Variants in TMEM132D observed in about 807,000 individuals in gnomAD.
The protein encoded by TMEM132D is mature OL transmembrane protein.
In TMEM132D, 21 loss-of-function variants were observed where a neutral mutation model predicts 62.3. That is an observed-to-expected ratio of 0.34 (90% CI 0.24 to 0.49). The LOEUF (loss-of-function observed/expected upper bound fraction) is 0.49. Ranked by LOEUF, TMEM132D falls within the 20% of genes least tolerant of loss-of-function variation. TMEM132D has a pLI of 0.99. For synonymous variants in TMEM132D, 621 were observed against 575.6 expected (o/e 1.08, Z -1.13); for missense variants, 1,346 against 1,402.8 (o/e 0.96, Z 0.65).
intron 2 of TMEM132D, among the ~76,000 whole-genome samples, chr12:129,574,759 A>T (rs1374522311): frequency 6.6e-6 from 1 of 151,780 alleles, no homozygotes; most frequent in Admixed American, 6.6e-5. Context: ...CCCACACATG[A>T]ACAACTGGGA....
At chr12:129,550,681 C>T (rs556929433) in intron 2 of TMEM132D, among the ~76,000 whole-genome samples, 1 of 152,312 alleles carries the variant, frequency 6.6e-6, no homozygotes, top group African/African-American at 2.4e-5. Flanking sequence ...GAGGTGAAGA[C>T]AGACACTTTG....
intron 2 of TMEM132D, among the ~76,000 whole-genome samples, chr12:129,623,421 C>A (rs890553566): frequency 6.6e-6 from 1 of 151,846 alleles, no homozygotes; most frequent in African/African-American, 2.4e-5. Context: ...ATTTTTGTAT[C>A]CTTCATCCAC....
chr12:129,110,917 C>G (rs1373869868), intron 5 of TMEM132D: 4 of 152,360 alleles, frequency 2.6e-5, no homozygotes, highest in Non-Finnish European at 5.9e-5. Context: ...AGAGGCAATA[C>G]AGGAGGGCCT....
intron 3 of TMEM132D, among the ~76,000 whole-genome samples, chr12:129,403,460 A>G (rs1871680312): frequency 1.3e-5 from 2 of 151,864 alleles, no homozygotes; most frequent in South Asian, 4.2e-4. Context: ...AGGAAACGGC[A>G]TTAATGCATT....
chr12:129,190,660 G>A lies in TMEM132D; in HGVS notation c.1443+18860C>T, dbSNP rs983634336. ...GGGCCTCTGGCAGCTGGAAAGTCAA[G>A]GAGAGATATTCCCCTAGAACATCCA... On this transcript the variant is annotated intron_variant, in intron 5 of 8. Coordinates refer to ENST00000422113, the MANE Select transcript of TMEM132D (RefSeq NM_133448.3). 3.3e-5 allele frequency among the ~76,000 whole-genome samples: 5 copies of A among 152,164 alleles called. 1 individual carries two copies. Among genetic ancestry groups the A allele is most frequent in the Middle Eastern group, 3.2e-3 (1 of 316 alleles).
chr12:129,411,592 C>T (rs1871969004), intron 3 of TMEM132D, among the ~76,000 whole-genome samples: 1 of 152,028 alleles, frequency 6.6e-6, no homozygotes, highest in African/African-American at 2.4e-5. Context: ...TGGACTCAAG[C>T]AATCCTCCCA....
intron 3 of TMEM132D, among the ~76,000 whole-genome samples, chr12:129,429,666 G>GTT (rs2135715387): frequency 6.6e-6 from 1 of 150,610 alleles, no homozygotes; most frequent in Admixed American, 6.6e-5. Flanking sequence ...CATGTGCCAT[G>GTT]TTAGTGTGCT....
intron 1 of TMEM132D, among the ~76,000 whole-genome samples, chr12:129,878,005 C>T (rs1283331525): frequency 6.6e-6 from 1 of 152,206 alleles, no homozygotes; most frequent in East Asian, 1.9e-4. Flanking sequence ...AATGCCTGTA[C>T]TGTCTGTTCC....
At chr12:129,432,307 AT>A (rs1872684244) in intron 3 of TMEM132D, among the ~76,000 whole-genome samples, 1 of 48,288 alleles carries the variant, frequency 2.1e-5, no homozygotes, top group Admixed American at 2.3e-4. Context: ...GGATGGATGG[AT>A]GGATGGATGC....
chr12:129,836,603 C>A (rs1873014296), intron 1 of TMEM132D, among the ~76,000 whole-genome samples: 1 of 151,946 alleles, frequency 6.6e-6, no homozygotes, highest in South Asian at 2.1e-4. Flanking sequence ...AAGATGTATA[C>A]ATTAGCTCTT....
chr12:129,299,876 C>A (rs1029772865), intron 4 of TMEM132D, among the ~76,000 whole-genome samples: 5 of 152,134 alleles, frequency 3.3e-5, no homozygotes, highest in African/African-American at 1.2e-4. Context: ...TGGACTGAAT[C>A]CTTTCCAATT....
chr12:129,620,205 G>A (rs1216372118), intron 2 of TMEM132D, among the ~76,000 whole-genome samples: 1 of 152,182 alleles, frequency 6.6e-6, no homozygotes, highest in Non-Finnish European at 1.5e-5. Context: ...CTGTCTCCTG[G>A]AGGCTGGAAT....
chr12:129,444,543 C>A (rs751032937), intron 3 of TMEM132D, among the ~76,000 whole-genome samples: 4 of 152,134 alleles, frequency 2.6e-5, no homozygotes, highest in Non-Finnish European at 5.9e-5. Context: ...TGGTTTGCTG[C>A]ACCTGTCAGC....
At chr12:129,888,614 G>T (rs1372511556) in intron 1 of TMEM132D, among the ~76,000 whole-genome samples, 1 of 152,182 alleles carries the variant, frequency 6.6e-6, no homozygotes, top group Non-Finnish European at 1.5e-5. Flanking sequence ...TGAGGCAGGA[G>T]AATCACTTGA....
chr12:129,307,967 T>C (rs1190274785), intron 4 of TMEM132D, among the ~76,000 whole-genome samples: 1 of 152,232 alleles, frequency 6.6e-6, no homozygotes, highest in Non-Finnish European at 1.5e-5. Flanking sequence ...TCTTGAGACA[T>C]TTCTCTCGAA....
chr12:129,785,669 A>G (rs150769037), intron 1 of TMEM132D, among the ~76,000 whole-genome samples: 1 of 152,286 alleles, frequency 6.6e-6, no homozygotes, highest in African/African-American at 2.4e-5. Context: ...GCCAGGAACC[A>G]ACCCTTCTGG....
At chr12:129,214,538 C>T (rs1879148170) in intron 4 of TMEM132D, among the ~76,000 whole-genome samples, 1 of 152,196 alleles carries the variant, frequency 6.6e-6, no homozygotes, top group Non-Finnish European at 1.5e-5. Context: ...GTGGCTGTAA[C>T]ATGCCTGAAT....
intron 5 of TMEM132D, among the ~76,000 whole-genome samples, chr12:129,177,375 T>TAAATTACACAGTAATTTATTTG (rs1397500057): frequency 6.6e-6 from 1 of 152,096 alleles, no homozygotes; most frequent in Non-Finnish European, 1.5e-5. Context: ...ATCACTGAAA[T>TAAATTACACAGTAATTTATTTG]AAATCAGCAA....
chr12:129,873,220 T>C (rs1472340070), intron 1 of TMEM132D, among the ~76,000 whole-genome samples: 1 of 152,200 alleles, frequency 6.6e-6, no homozygotes, highest in African/African-American at 2.4e-5. Flanking sequence ...GCACGGACTA[T>C]CTTCAGGCCT....
Sources: allele counts gnomAD v4.1 joint callset (sites outside exome capture counted in the v4.1 genomes callset), GRCh38; gene constraint gnomAD v4.1.1; transcripts MANE v1.5; gene names NCBI Gene and HGNC (gene_info 2026-07-23, HGNC 2026-07-21).